The following NTM variants were observed in gnomAD, a reference collection of about 807,000 sequenced individuals.
NTM encodes neurotrimin.
A neutral mutation model predicts 42.1 loss-of-function variants in NTM; 13 were observed. That is an observed-to-expected ratio of 0.31 (90% CI 0.20 to 0.49). NTM has a LOEUF of 0.49. NTM is among the 20% of genes least tolerant of loss of function. The probability of loss-of-function intolerance (pLI) is 0.99; values close to 1 mark genes in which losing one functional copy is unlikely to be tolerated. For missense variants in NTM, 373 were observed against 452.8 expected (o/e 0.82, Z 1.60); for synonymous variants, 187 against 179.2 (o/e 1.04, Z -0.35).
At chr11:132,195,618 A>G (rs1234484712) in intron 3 of NTM, among the ~76,000 whole-genome samples, 2 of 152,220 alleles carry the variant, frequency 1.3e-5, no homozygotes, top group East Asian at 3.9e-4. Flanking sequence ...CACGTAGACC[A>G]ACAGAACAGG....
chr11:131,973,071 C>A (rs573652831), intron 2 of NTM, among the ~76,000 whole-genome samples: 40 of 152,312 alleles, frequency 2.6e-4, no homozygotes, highest in African/African-American at 9.6e-4. Flanking sequence ...GTGAAGAACT[C>A]TAAATGTATT....
chr11:132,033,458 G>A (rs1003169574), intron 2 of NTM, among the ~76,000 whole-genome samples: 3 of 152,190 alleles, frequency 2.0e-5, no homozygotes, highest in Non-Finnish European at 2.9e-5. Context: ...CAGGGGAGGA[G>A]ATATTGATCC....
intron 3 of NTM, among the ~76,000 whole-genome samples, chr11:132,201,353 C>T (rs1314319543): frequency 1.3e-5 from 2 of 152,226 alleles, no homozygotes; most frequent in African/African-American, 4.8e-5. Context: ...CATTGCACAG[C>T]TTACAGTATC....
chr11:131,741,789 T>C lies in NTM; in HGVS notation c.83-169775T>C, dbSNP rs954098555. Among the ~76,000 whole-genome samples, 6 of 152,304 alleles carry C rather than the reference T, an allele frequency of 3.9e-5. No homozygotes were observed. The East Asian group carries it at 1.2e-3, about 29-fold the overall frequency. ...ATGCTTCCTTCGATAGCTCAGCTGG[T>C]AGAGCAGAGGACTGTCGAAGACACG... On this transcript the variant is annotated intron_variant, in intron 1 of 8. Coordinates refer to ENST00000683400, the MANE Select transcript of NTM (RefSeq NM_001352005.2).
chr11:131,595,193 C>G (rs1376589526), intron 1 of NTM, among the ~76,000 whole-genome samples: 1 of 152,266 alleles, frequency 6.6e-6, no homozygotes, highest in South Asian at 2.1e-4. Context: ...CTGTCTAGGG[C>G]TCATCCAGCC....
intron 2 of NTM, among the ~76,000 whole-genome samples, chr11:131,972,371 G>A (rs1443035080): frequency 6.6e-6 from 1 of 152,044 alleles, no homozygotes; most frequent in Admixed American, 6.5e-5. Context: ...AATTATATAT[G>A]TATTTTCAAA....
chr11:132,136,392 C>T (rs1422593946), intron 2 of NTM, among the ~76,000 whole-genome samples: 1 of 152,226 alleles, frequency 6.6e-6, no homozygotes, highest in Non-Finnish European at 1.5e-5. Flanking sequence ...AGACAAGGCC[C>T]ACCTCGAACC....
chr11:132,096,965 A>C (rs2061078565), intron 2 of NTM, among the ~76,000 whole-genome samples: 1 of 152,186 alleles, frequency 6.6e-6, no homozygotes, highest in Non-Finnish European at 1.5e-5. Flanking sequence ...TCTAGCACAT[A>C]GTAGGCACTA....
chr11:131,730,515 G>C (rs1256430790), intron 1 of NTM, among the ~76,000 whole-genome samples: 1 of 151,938 alleles, frequency 6.6e-6, no homozygotes, highest in Non-Finnish European at 1.5e-5. Flanking sequence ...GGGAGTTTGG[G>C]ACCAGCCTGA....
intron 1 of NTM, among the ~76,000 whole-genome samples, chr11:131,713,882 G>A (rs2077414606): frequency 6.6e-6 from 1 of 152,162 alleles, no homozygotes; most frequent in Non-Finnish European, 1.5e-5. Context: ...TTTGGAAGAG[G>A]GCCAAGCGGG....
At chr11:131,843,261 G>A (rs2044502943) in intron 1 of NTM, among the ~76,000 whole-genome samples, 1 of 151,928 alleles carries the variant, frequency 6.6e-6, no homozygotes, top group Non-Finnish European at 1.5e-5. Flanking sequence ...CCTCTCCAGA[G>A]GTCCCCAAAA....
At chr11:131,473,726 C>G (rs1410122828) in intron 1 of NTM, among the ~76,000 whole-genome samples, 1 of 152,146 alleles carries the variant, frequency 6.6e-6, no homozygotes. Flanking sequence ...CTCTCCTGTT[C>G]CCTCTGTTTA....
chr11:132,182,540 C>T (rs556566114), intron 3 of NTM, among the ~76,000 whole-genome samples: 2 of 152,268 alleles, frequency 1.3e-5, no homozygotes, highest in South Asian at 4.1e-4. Context: ...TGTGTATGCC[C>T]ACAAGCAATG....
intron 1 of NTM, among the ~76,000 whole-genome samples, chr11:131,828,152 A>C (rs2042355717): frequency 6.6e-6 from 1 of 152,088 alleles, no homozygotes; most frequent in Non-Finnish European, 1.5e-5. Flanking sequence ...ACTACCTCTC[A>C]ATAACGTTTT....
intron 2 of NTM, among the ~76,000 whole-genome samples, chr11:132,087,399 T>C (rs1625427): frequency 0.31 from 46,647 of 152,084 alleles, 7,357 homozygotes; most frequent in South Asian, 0.35. Flanking sequence ...ACCTACATTG[T>C]GCCTTTTAAC....
chr11:131,753,570 T>G (rs9667487), intron 1 of NTM, among the ~76,000 whole-genome samples: 2,830 of 139,798 alleles, frequency 0.02, 132 homozygotes, highest in African/African-American at 0.087. Context: ...CCATAAAAAG[T>G]GATGAGTTCA....
intron 1 of NTM, among the ~76,000 whole-genome samples, chr11:131,850,066 G>A (rs1448165867): frequency 6.6e-6 from 1 of 151,876 alleles, no homozygotes; most frequent in African/African-American, 2.4e-5. Context: ...ACCATCAACA[G>A]TAACCTAATG....
At chr11:131,611,777 T>C (rs1017941064) in intron 1 of NTM, among the ~76,000 whole-genome samples, 12 of 152,132 alleles carry the variant, frequency 7.9e-5, no homozygotes, top group African/African-American at 2.7e-4. Context: ...GTGTGAAACA[T>C]GTCAACCAAG....
chr11:131,596,133 G>T (rs545492040), intron 1 of NTM, among the ~76,000 whole-genome samples: 5 of 152,182 alleles, frequency 3.3e-5, no homozygotes. Context: ...TATTTAGCTG[G>T]AAGACATTCT....
Sources: gnomAD v4.1 joint callset for allele counts (sites outside exome capture counted in the v4.1 genomes callset) on GRCh38, gnomAD v4.1.1 for gene constraint, MANE v1.5 for transcripts, NCBI Gene and HGNC (gene_info 2026-07-23, HGNC 2026-07-21) for gene names.